The following TTC7B variants were observed in gnomAD, a reference collection of about 807,000 sequenced individuals.
TTC7B encodes the protein tetratricopeptide repeat protein 7B.
Under a neutral mutation model 106.8 loss-of-function variants are expected in TTC7B, and 28 were observed. That is an observed-to-expected ratio of 0.26 (90% CI 0.19 to 0.36). The LOEUF (loss-of-function observed/expected upper bound fraction) is 0.36, where lower values mean the gene tolerates loss of function less well. Among genes scored for constraint, TTC7B ranks in the 10% least tolerant of loss-of-function variants. The pLI is 1.00. For missense variants in TTC7B, 862 were observed against 1,076.4 expected, an observed-to-expected ratio of 0.80 and a Z score of 2.79; for synonymous variants, 405 against 430.6, an observed-to-expected ratio of 0.94 and a Z score of 0.74.
At chr14:90,593,647 G>T in intron 17 of TTC7B, 21 bp from the exon 18 acceptor site, 1 of 1,567,200 alleles carries the variant, frequency 6.4e-7, no homozygotes, top group Non-Finnish European at 8.7e-7. Flanking sequence ...TTTTTGAGAA[G>T]ACTCTATCAG....
At chr14:90,605,301 C>A (rs1034806726) in intron 17 of TTC7B, among the ~76,000 whole-genome samples, 1 of 152,196 alleles carries the variant, frequency 6.6e-6, no homozygotes, top group Admixed American at 6.5e-5. Flanking sequence ...TTTATATCAA[C>A]TCCAGGAAAG....
In TTC7B at chr14:90,644,257, GCA is replaced by G. The variant is rs199817416; in HGVS notation, c.1591-51_1591-50del. On this transcript the variant is annotated intron_variant, in intron 14 of 19. Coordinates refer to ENST00000328459, the MANE Select transcript of TTC7B (RefSeq NM_001010854.2). ...AGGTTTTACATACACACATGCACACGCACACACACACACACACACACACGCGC... is the reference window on the plus strand; with the variant it reads ...AGGTTTTACATACACACATGCACACGCACACACACACACACACACACGCGC... The G allele has an allele frequency of 2.8e-3, 3,259 of 1,169,378 alleles. 6 individuals carry two copies. The highest frequency in any genetic ancestry group is 0.011 in the Middle Eastern group (37 of 3,228). 72.4% of individuals were successfully genotyped at this position (1,169,378 alleles called of 1,614,324 possible).
At chr14:90,692,797 T>C (rs1186849868) in intron 6 of TTC7B, among the ~76,000 whole-genome samples, 1 of 152,208 alleles carries the variant, frequency 6.6e-6, no homozygotes, top group African/African-American at 2.4e-5. Flanking sequence ...TAGGTTCTTT[T>C]GCCTTGAAGA....
intron 9 of TTC7B, among the ~76,000 whole-genome samples, chr14:90,672,340 G>A (rs754694056): frequency 3.3e-5 from 5 of 152,290 alleles, no homozygotes; most frequent in Middle Eastern, 3.4e-3. Context: ...CGAGCCACAC[G>A]GTGATATGTC....
chr14:90,686,818 C>G (rs1007380489), intron 7 of TTC7B, among the ~76,000 whole-genome samples: 1 of 152,182 alleles, frequency 6.6e-6, no homozygotes, highest in South Asian at 2.1e-4. Context: ...AAAAGAAATA[C>G]AAGCTTTATA....
chr14:90,714,392 G>C (rs991311089), intron 5 of TTC7B, among the ~76,000 whole-genome samples: 9 of 152,088 alleles, frequency 5.9e-5, no homozygotes, highest in African/African-American at 2.2e-4. Context: ...CAGGCACAAG[G>C]AACTTTTCGA....
chr14:90,677,942 G>T, intron 8 of TTC7B: 2 of 397,354 alleles, frequency 5.0e-6, no homozygotes, highest in South Asian at 3.8e-5. Flanking sequence ...TTCATTCTAA[G>T]TTTTTCTTGT....
intron 4 of TTC7B, among the ~76,000 whole-genome samples, chr14:90,732,063 C>G (rs1444866563): frequency 6.6e-6 from 1 of 152,024 alleles, no homozygotes; most frequent in Non-Finnish European, 1.5e-5. Flanking sequence ...TATTGAACGA[C>G]AATCCAGATA....
At chr14:90,687,644 T>C (rs1887298695) in intron 7 of TTC7B, among the ~76,000 whole-genome samples, 1 of 152,210 alleles carries the variant, frequency 6.6e-6, no homozygotes, top group Non-Finnish European at 1.5e-5. Context: ...ACCCCAAACC[T>C]GCTTCACAAT....
chr14:90,676,508 A>C lies in TTC7B; in HGVS notation c.1152+15T>G. Reference sequence around the variant, plus strand: ...CACCCACCACCTGGATGTCAACCAGACTCAGCAGCTGTACCTCTGACAGCA... The same window carrying C: ...CACCCACCACCTGGATGTCAACCAGCCTCAGCAGCTGTACCTCTGACAGCA... On this transcript the variant is annotated intron_variant, in intron 9 of 19. Transcript: ENST00000328459. 6.2e-7 allele frequency: 1 copy of C among 1,612,664 alleles called. No individual in the cohort carries two copies. Among genetic ancestry groups the C allele is most frequent in the Non-Finnish European group, 8.5e-7 (1 of 1,179,004 alleles).
chr14:90,658,177 C>T (rs914228902), intron 10 of TTC7B, 127 bp downstream of exon 10: 9 of 804,334 alleles, frequency 1.1e-5, no homozygotes, highest in East Asian at 5.0e-5. Flanking sequence ...GAACGGACCA[C>T]GATAGTTTCT....
chr14:90,704,781 A>T (rs1395217518), intron 5 of TTC7B, among the ~76,000 whole-genome samples: 1 of 152,242 alleles, frequency 6.6e-6, no homozygotes, highest in Admixed American at 6.5e-5. Context: ...ACTAACATTG[A>T]TAAGATGGCG....
At chr14:90,732,726 G>A (rs893754224) in intron 4 of TTC7B, among the ~76,000 whole-genome samples, 10 of 151,248 alleles carry the variant, frequency 6.6e-5, no homozygotes, top group Admixed American at 2.6e-4. Context: ...CACTGCGCCC[G>A]GCTCCTGAAT....
intron 5 of TTC7B, chr14:90,697,242 G>C (rs1887790506): frequency 6.6e-6 from 1 of 152,306 alleles, no homozygotes; most frequent in Middle Eastern, 3.4e-3. Context: ...AATAGGAACT[G>C]GTCATTCAGA....
At chr14:90,809,451 C>T (rs1381049227) in intron 1 of TTC7B, among the ~76,000 whole-genome samples, 1 of 152,210 alleles carries the variant, frequency 6.6e-6, no homozygotes, top group East Asian at 1.9e-4. Flanking sequence ...TGGGCCCAAT[C>T]AAGGAGGAAA....
chr14:90,795,123 T>C (rs1053813853), intron 1 of TTC7B, among the ~76,000 whole-genome samples: 1 of 151,948 alleles, frequency 6.6e-6, no homozygotes, highest in Admixed American at 6.6e-5. Context: ...AAGAATTAAA[T>C]ATAAAACAAG....
At chr14:90,652,702 T>G (rs1885780035) in intron 13 of TTC7B, 139 bp downstream of exon 13, 2 of 843,028 alleles carry the variant, frequency 2.4e-6, no homozygotes, top group Admixed American at 4.5e-5. Context: ...TTGTGTGCTG[T>G]GTGTTCGGTG....
chr14:90,638,359 T>C (rs1885033906), intron 15 of TTC7B, among the ~76,000 whole-genome samples: 1 of 152,216 alleles, frequency 6.6e-6, no homozygotes, highest in Non-Finnish European at 1.5e-5. Context: ...GAGTTATATA[T>C]GTCATTAGAC....
At chr14:90,720,313 C>T (rs948053181) in intron 5 of TTC7B, among the ~76,000 whole-genome samples, 4 of 152,150 alleles carry the variant, frequency 2.6e-5, no homozygotes, top group African/African-American at 9.7e-5. Flanking sequence ...GGGTACCTTT[C>T]CTCCTCAATG....
Sources: allele counts gnomAD v4.1 joint callset (sites outside exome capture counted in the v4.1 genomes callset), GRCh38; gene constraint gnomAD v4.1.1; transcripts MANE v1.5; gene names NCBI Gene and HGNC (gene_info 2026-07-23, HGNC 2026-07-21).